Variants in TRMT1 observed in about 807,000 individuals in gnomAD.
TRMT1 encodes tRNA (guanine(26)-N(2))-dimethyltransferase.
TRMT1 carries 63 observed loss-of-function variants against 75.4 expected under a neutral mutation model. That is an observed-to-expected ratio of 0.84 (90% CI 0.68 to 1.03). The LOEUF is 1.03. Ranked by LOEUF, TRMT1 falls within the 50% of genes least tolerant of loss-of-function variation. The pLI is 0.00. For synonymous variants in TRMT1, 382 were observed against 358.1 expected (o/e 1.07, Z -0.75); for missense variants, 870 against 905.3 (o/e 0.96, Z 0.50).
At position 13,105,263 on chromosome 19, in the gene TRMT1, TCA is replaced by T. The variant is rs753972967; in HGVS notation, c.1833+2_1833+3del. ...CAGTGGAGGAAAGGGAGGAGGGACC[TCA>T]CCTCCTTAAACCTCTTGCAAGGAAA... On this transcript the variant is annotated splice_donor_variant and splice_donor_region_variant and intron_variant, in intron 16 of 16. Coordinates refer to ENST00000357720, the MANE Select transcript of TRMT1 (RefSeq NM_001136035.4). LOFTEE classifies it high-confidence loss of function. 1 of 1,612,044 alleles carries T rather than the reference TCA, an allele frequency of 6.2e-7. No homozygotes were observed.
At chr19:13,109,224 C>T (rs2019020563) in intron 12 of TRMT1, among the ~76,000 whole-genome samples, 157 bp downstream of exon 12, 1 of 151,916 alleles carries the variant, frequency 6.6e-6, no homozygotes, top group Non-Finnish European at 1.5e-5. Flanking sequence ...AAGTGATCTT[C>T]CTGCCTCAGC....
Position 13,107,859 on chromosome 19 carries a change from C to T in TRMT1, c.1398G>A (p.Arg466=). ...GGAAGTCAGCGTGGAGGAGGGCCGA[C>T]CTGGGGAACAGCAGGGATTATGAGG... ...HCNTPSLLQL[R]SALLHADFRV... is the part of the protein sequence containing the mutation. The change falls in exon 13 of 17, where the codon CGG becomes CGA. Residue 466 remains arginine, a splice_region_variant and synonymous_variant. Coordinates refer to ENST00000357720, the MANE Select transcript of TRMT1 (RefSeq NM_001136035.4). The T allele has an allele frequency of 6.4e-7, 1 of 1,551,438 alleles. No individual in the cohort carries two copies. Among genetic ancestry groups the T allele is most frequent in the South Asian group, 1.2e-5 (1 of 84,044 alleles).
At chr19:13,116,492 G>A (rs2064534880) in intron 1 of TRMT1, 61 bp from the exon 2 acceptor site, 3 of 1,496,590 alleles carry the variant, frequency 2.0e-6, no homozygotes, top group African/African-American at 2.8e-5. Context: ...CGGGCCCGGG[G>A]ATGTCCTACA....
rs1238705626 is a variant in TRMT1 at position 13,115,763 on chromosome 19, C to A, written c.316G>T (p.Val106Phe). 5 of 1,614,060 alleles carry A rather than the reference C, an allele frequency of 3.1e-6. No individual in the cohort carries two copies. The highest frequency in any genetic ancestry group is 3.3e-5 in the Admixed American group (2 of 60,010). ...QLGAKGIQIK[V>F]PGEKDTQKVV... Reference sequence around the variant, plus strand: ...TTTTGCGTGTCCTTCTCTCCTGGAACCTTGACTGCAGCCACCCAGAGGCAC... The same window carrying A: ...TTTTGCGTGTCCTTCTCTCCTGGAAACTTGACTGCAGCCACCCAGAGGCAC... Residue 106 changes from valine (V) to phenylalanine (F), a missense_variant, in exon 4 of 17, where the codon GTT becomes TTT. Transcript: ENST00000357720.
Position 13,116,593 on chromosome 19 carries a change from C to A in TRMT1, c.-33+60G>T, listed in dbSNP as rs1204747973. 6 of 779,996 alleles carry A rather than the reference C, an allele frequency of 7.7e-6. No individual in the cohort carries two copies. In the African/African-American group the frequency reaches 1.1e-4, roughly 14 times the overall value. 48.3% of individuals were successfully genotyped at this position (779,996 alleles called of 1,614,324 possible). On this transcript the variant is annotated intron_variant, in intron 1 of 16. Transcript: ENST00000357720. ...ATGACTGGTCCCTGTGGAGCCGATG[C>A]CCTCGTGCAGGCCCGCCCCGAGTCC...
chr19:13,105,319 A>G lies in TRMT1; in HGVS notation c.1781T>C (p.Val594Ala). 6.2e-7 allele frequency: 1 copy of G among 1,614,038 alleles called. No individual in the cohort carries two copies. Among genetic ancestry groups the G allele is most frequent in the Non-Finnish European group, 8.5e-7 (1 of 1,180,014 alleles). The change falls in exon 16 of 17, where the codon GTG becomes GCG. Residue 594 changes from valine (V) to alanine (A), a missense_variant. By Grantham distance (64) the Val-to-Ala change is moderately conservative. Transcript: ENST00000357720. ...QNKRKEPPEDVAQRAARLKTF... is the reference protein window; with the variant it reads ...QNKRKEPPEDAAQRAARLKTF... ...CTTGAGCCGGGCAGCCCGCTGGGCC[A>G]CATCTTCCGGCGGCTCCTTCCGCTT...
At chr19:13,112,631 A>G in intron 7 of TRMT1, 74 bp downstream of exon 7, 1 of 1,416,686 alleles carries the variant, frequency 7.1e-7, no homozygotes, top group East Asian at 2.3e-5. Flanking sequence ...AGGAGGGGGA[A>G]AGTGTATTGG....
intron 12 of TRMT1, among the ~76,000 whole-genome samples, chr19:13,108,242 G>C (rs1266991717): frequency 1.3e-5 from 2 of 151,586 alleles, no homozygotes; most frequent in Non-Finnish European, 2.9e-5. Context: ...GCCCGCCTCA[G>C]CCTCCCAAAG....
chr19:13,107,106 G>T (rs189492545), intron 14 of TRMT1, among the ~76,000 whole-genome samples: 130 of 150,458 alleles, frequency 8.6e-4, no homozygotes, highest in African/African-American at 3.1e-3. Context: ...AAAGTGCTGG[G>T]ACTACAGGCA....
In TRMT1 at chr19:13,109,367, C is replaced by A. The variant is rs758642974; in HGVS notation, c.1397+14G>T. Reference sequence around the variant, plus strand: ...GGTCTGGGACAGGCTCCTCCCGACCCCAGGGGCTCTTACCGCAACTGCAGG... The same window carrying A: ...GGTCTGGGACAGGCTCCTCCCGACCACAGGGGCTCTTACCGCAACTGCAGG... On this transcript the variant is annotated intron_variant, in intron 12 of 16. Transcript: ENST00000357720. The A allele has an allele frequency of 6.2e-6, 10 of 1,612,072 alleles. No individual in the cohort carries two copies. In the African/African-American group the frequency reaches 1.2e-4, roughly 19 times the overall value.
rs35140536 is a variant in TRMT1, at chr19:13,111,550, A to ATT, written c.870+1153_870+1154dup. ...AAGCACCCACCACCACGCCCAGCTA[A>ATT]TTTTTTTTTTTTTTTTTTTGTATTT... On this transcript the variant is annotated intron_variant, in intron 7 of 16. Transcript: ENST00000357720. Among the ~76,000 whole-genome samples the ATT allele has an allele frequency of 2.3e-3, 281 of 124,526 alleles. 2 individuals carry two copies. The highest frequency in any genetic ancestry group is 4.3e-3 in the South Asian group (17 of 3,946). The allele number at this position is 124,526 out of a possible 152,430, so 81.7% of individuals were successfully genotyped here. A position where few individuals can be genotyped will look rare whatever the true frequency, so the allele number is the denominator to read the frequency against.
intron 7 of TRMT1, 42 bp from the exon 8 acceptor site, chr19:13,110,348 AC>A: frequency 6.5e-7 from 1 of 1,542,562 alleles, no homozygotes; most frequent in Non-Finnish European, 8.8e-7. Context: ...TCCACTATCC[AC>A]CCACCCCACC....
chr19:13,110,133 C>T (rs1477416298), intron 8 of TRMT1, 25 bp downstream of exon 8: 2 of 1,611,360 alleles, frequency 1.2e-6, no homozygotes, highest in South Asian at 2.2e-5. Flanking sequence ...CTCAATCCAC[C>T]ACCGCTCTCT....
At chr19:13,111,714 T>C (rs1192219468) in intron 7 of TRMT1, among the ~76,000 whole-genome samples, 1 of 133,496 alleles carries the variant, frequency 7.5e-6, no homozygotes, top group Non-Finnish European at 1.6e-5. Flanking sequence ...TTTTTCTTTT[T>C]TTTGAGACAG....
rs191060795 is a variant in TRMT1 at position 13,109,291 on chromosome 19, C to G, written c.1397+90G>C. 1,147 of 1,466,846 alleles carry G rather than the reference C, an allele frequency of 7.8e-4. 15 individuals carry two copies. The South Asian group carries it at 8.7e-3, about 11-fold the overall frequency. 90.9% of individuals were successfully genotyped at this position (1,466,846 alleles called of 1,614,324 possible). On this transcript the variant is annotated intron_variant, in intron 12 of 16. Transcript: ENST00000357720. ...CAGTGCACCGGGTTCTCCCCACCCCCTCGCAAGTTCTATGCATGAGAATCC... is the reference window on the plus strand; with the variant it reads ...CAGTGCACCGGGTTCTCCCCACCCCGTCGCAAGTTCTATGCATGAGAATCC...
intron 9 of TRMT1, 26 bp from the exon 10 acceptor site, chr19:13,109,864 G>T: frequency 6.2e-7 from 1 of 1,613,888 alleles, no homozygotes. Flanking sequence ...TGGTTGGTGG[G>T]GAGGGAGGAA....
chr19:13,107,665 C>T lies in TRMT1; in HGVS notation c.1507-15G>A. 6.3e-7 allele frequency: 1 copy of T among 1,598,696 alleles called. No homozygotes were observed. The highest frequency in any genetic ancestry group is 8.5e-7 in the Non-Finnish European group (1 of 1,171,058). ...CATTCCTTCTCCTGGGGGCAGAGGT[C>T]AGAGGTTAGGGAATACTAGGCCCAA... is the stretch of plus-strand genomic sequence containing the variant. On this transcript the variant is annotated splice_polypyrimidine_tract_variant and intron_variant, in intron 13 of 16. Transcript: ENST00000357720.
chr19:13,105,543 CTT>C lies in TRMT1; in HGVS notation c.1645_1646del (p.Lys549AlafsTer5), dbSNP rs778041974. On this transcript the variant is annotated frameshift_variant, in exon 15 of 17. Coordinates refer to ENST00000357720, the MANE Select transcript of TRMT1 (RefSeq NM_001136035.4). LOFTEE classifies it high-confidence loss of function. ...TGGCCTCCGGGTTAGCCTGGAAGCG[CTT>C]GAGTCCTCGCTGTCGGGAGCTGGGG... ...ANPSSRQRGL[K>X]RFQANPEANW... 6 of 1,614,062 alleles carry C rather than the reference CTT, an allele frequency of 3.7e-6. No homozygotes were observed. The South Asian group carries it at 6.6e-5, about 18-fold the overall frequency.
At position 13,109,781 on chromosome 19, in the gene TRMT1, C is replaced by T. The variant is rs544448356; in HGVS notation, c.1164G>A (p.Gly388=). ...PPVTPECEHC[G]QRHQLGGPMW... ...GGCCTAGCCCTACCTGGTGTCGTTG[C>T]CCACAGTGTTCACACTCGGGGGTCA... The change falls in exon 10 of 17, where the codon GGG becomes GGA. Residue 388 remains glycine (G), a synonymous_variant. Transcript: ENST00000357720. The T allele has an allele frequency of 1.2e-6, 2 of 1,614,126 alleles. No homozygotes were observed. Among genetic ancestry groups the T allele is most frequent in the South Asian group, 1.1e-5 (1 of 91,086 alleles).
Sources: allele counts gnomAD v4.1 joint callset (sites outside exome capture counted in the v4.1 genomes callset), GRCh38; gene constraint gnomAD v4.1.1; transcripts MANE v1.5; gene names NCBI Gene and HGNC (gene_info 2026-07-23, HGNC 2026-07-21).